Variants in CDYL observed in about 807,000 individuals in gnomAD.
CDYL encodes chromodomain Y-like protein.
A neutral mutation model predicts 47.3 loss-of-function variants in CDYL; 8 were observed. The observed-to-expected ratio is 0.17, with a 90% CI of 0.10 to 0.31. The LOEUF is 0.31. Ranked by LOEUF, CDYL falls within the 10% of genes least tolerant of loss-of-function variation. The pLI is 1.00. For missense variants in CDYL, 471 were observed against 701.4 expected, an observed-to-expected ratio of 0.67 and a Z score of 3.71; for synonymous variants, 266 against 265.0, an observed-to-expected ratio of 1.00 and a Z score of -0.04.
chr6:4,783,754 G>A (rs1758681040), intron 1 of CDYL, among the ~76,000 whole-genome samples: 2 of 152,082 alleles, frequency 1.3e-5, no homozygotes, highest in South Asian at 2.1e-4. Flanking sequence ...TCACTTTATA[G>A]GAGATCTGTC....
intron 2 of CDYL, among the ~76,000 whole-genome samples, chr6:4,727,828 G>A (rs2127412923): frequency 6.6e-6 from 1 of 152,208 alleles, no homozygotes; most frequent in East Asian, 1.9e-4. Context: ...TAGCAAGGCT[G>A]GTGGTGACAT....
At chr6:4,899,670 G>A (rs1423134114) in intron 2 of CDYL, among the ~76,000 whole-genome samples, 2 of 152,188 alleles carry the variant, frequency 1.3e-5, no homozygotes, top group African/African-American at 2.4e-5. Flanking sequence ...GCCCTTTCAG[G>A]CAGCAATAGA....
chr6:4,761,264 C>A (rs9504233), intron 3 of CDYL, among the ~76,000 whole-genome samples: 2 of 151,970 alleles, frequency 1.3e-5, no homozygotes, highest in Non-Finnish European at 2.9e-5. Flanking sequence ...AGCTGTATCT[C>A]GAGGGATAAT....
At chr6:4,798,458 T>C (rs530134164) in intron 1 of CDYL, among the ~76,000 whole-genome samples, 1 of 152,344 alleles carries the variant, frequency 6.6e-6, no homozygotes, top group African/African-American at 2.4e-5. Context: ...CTAAGTTATC[T>C]GAGTTTCTGA....
In CDYL at chr6:4,828,182, T is replaced by G. The variant is rs80073815; in HGVS notation, c.24+51375T>G. Among the ~76,000 whole-genome samples, 686 of 151,944 alleles carry G rather than the reference T, an allele frequency of 4.5e-3. 6 individuals carry two copies. The highest frequency in any genetic ancestry group is 0.016 in the African/African-American group (665 of 41,362). On this transcript the variant is annotated intron_variant, in intron 1 of 6. Coordinates refer to ENST00000397588, the MANE Select transcript of CDYL (RefSeq NM_004824.4). ...TTTTATTTATCTGGGAATGTCTTAC[T>G]TTCCCCCTCAGTTTCAACGTTAGTT...
intron 5 of CDYL, among the ~76,000 whole-genome samples, chr6:4,949,084 C>T (rs1443223979): frequency 3.9e-5 from 6 of 152,246 alleles, no homozygotes; most frequent in Admixed American, 3.9e-4. Context: ...TGTGGCCTCT[C>T]CTTTCTTACA....
At chr6:4,712,904 T>C (rs969169468) in intron 1 of CDYL, among the ~76,000 whole-genome samples, 3 of 152,222 alleles carry the variant, frequency 2.0e-5, no homozygotes, top group Non-Finnish European at 2.9e-5. Context: ...TCACCATTCC[T>C]GCATCTGGGG....
chr6:4,836,580 A>G (rs1043463421), intron 1 of CDYL, among the ~76,000 whole-genome samples: 2 of 152,212 alleles, frequency 1.3e-5, no homozygotes, highest in Non-Finnish European at 2.9e-5. Flanking sequence ...AAGTCCTTTA[A>G]AAGATTGCTC....
At chr6:4,712,768 T>C (rs1406294914) in intron 1 of CDYL, among the ~76,000 whole-genome samples, 1 of 152,234 alleles carries the variant, frequency 6.6e-6, no homozygotes, top group Non-Finnish European at 1.5e-5. Flanking sequence ...AAGCAAAGCA[T>C]TCACGACTCA....
chr6:4,895,071 GTATC>G (rs1475133446), intron 2 of CDYL, among the ~76,000 whole-genome samples: 65 of 71,272 alleles, frequency 9.1e-4, no homozygotes, highest in Admixed American at 3.4e-3. Flanking sequence ...GGGTATATAT[GTATC>G]TATATGCACA....
intron 1 of CDYL, among the ~76,000 whole-genome samples, chr6:4,780,713 C>T (rs1244702351): frequency 6.6e-6 from 1 of 152,134 alleles, no homozygotes; most frequent in South Asian, 2.1e-4. Context: ...TTCTACAAAA[C>T]GTTTTCCATT....
At chr6:4,788,229 C>T (rs2127433481) in intron 1 of CDYL, among the ~76,000 whole-genome samples, 1 of 151,968 alleles carries the variant, frequency 6.6e-6, no homozygotes, top group Non-Finnish European at 1.5e-5. Context: ...GTGGCTGGCG[C>T]CTGTAATCCC....
chr6:4,772,975 A>T (rs1484967189), upstream of CDYL: 1 of 373,242 alleles, frequency 2.7e-6, no homozygotes, highest in Non-Finnish European at 5.3e-6. Context: ...AAAGGAAGAC[A>T]TGCCTGGTTT....
chr6:4,846,709 A>T (rs1174067169), intron 1 of CDYL, among the ~76,000 whole-genome samples: 5 of 152,190 alleles, frequency 3.3e-5, no homozygotes, highest in Admixed American at 6.5e-5. Context: ...ACATAGAAAA[A>T]ATAGGTTATT....
Position 4,817,355 on chromosome 6 carries a change from T to TAA in CDYL, c.24+40561_24+40562dup, listed in dbSNP as rs199750829. 5.1e-4 allele frequency among the ~76,000 whole-genome samples: 72 copies of TAA among 140,876 alleles called. No individual in the cohort carries two copies. In the East Asian group the frequency reaches 5.9e-3, roughly 12 times the overall value. The allele number at this position is 140,876 out of a possible 152,430, so 92.4% of individuals were successfully genotyped here. On this transcript the variant is annotated intron_variant, in intron 1 of 6. Transcript: ENST00000397588. ...ATCACCCTTTCCTTTTTAAGAGAAT[T>TAA]AAAAAAAAAAAAAACTGTGAAATTC... is the stretch of plus-strand genomic sequence containing the variant.
At chr6:4,893,299 G>C (rs1439259543) in intron 2 of CDYL, among the ~76,000 whole-genome samples, 1 of 152,218 alleles carries the variant, frequency 6.6e-6, no homozygotes, top group Non-Finnish European at 1.5e-5. Flanking sequence ...CGCTCTCTCT[G>C]TCAGCACCAG....
At chr6:4,912,387 T>G (rs1429109340) in intron 2 of CDYL, among the ~76,000 whole-genome samples, 1 of 152,220 alleles carries the variant, frequency 6.6e-6, no homozygotes, top group Non-Finnish European at 1.5e-5. Context: ...GCCTGGAGGG[T>G]CACTGTTCCC....
chr6:4,878,502 C>T (rs1761677328), intron 1 of CDYL, among the ~76,000 whole-genome samples: 1 of 151,746 alleles, frequency 6.6e-6, no homozygotes, highest in Non-Finnish European at 1.5e-5. Context: ...ACTTCTGTTT[C>T]ATCTTGGTGT....
At chr6:4,887,402 C>T (rs1333474048) in intron 1 of CDYL, among the ~76,000 whole-genome samples, 1 of 152,162 alleles carries the variant, frequency 6.6e-6, no homozygotes, top group East Asian at 1.9e-4. Context: ...ATAAGTTTTA[C>T]ACCTCTTTTA....
Sources: gnomAD v4.1 joint callset for allele counts (sites outside exome capture counted in the v4.1 genomes callset) on GRCh38, gnomAD v4.1.1 for gene constraint, MANE v1.5 for transcripts, NCBI Gene and HGNC (gene_info 2026-07-23, HGNC 2026-07-21) for gene names.